PTPRN2: variants seen among roughly 807,000 people sequenced by gnomAD.
PTPRN2 encodes the protein protein tyrosine phosphatase receptor type N2, also known as receptor-type tyrosine-protein phosphatase N2.
Under a neutral mutation model 118.8 loss-of-function variants are expected in PTPRN2, and 74 were observed. That is an observed-to-expected ratio of 0.62 (90% confidence interval 0.52 to 0.76). The LOEUF (loss-of-function observed/expected upper bound fraction) is 0.76, where lower values mean the gene tolerates loss of function less well. Ranked by LOEUF, PTPRN2 falls within the 30% of genes least tolerant of loss-of-function variation. PTPRN2 has a pLI of 0.00. For synonymous variants in PTPRN2, 641 were observed against 608.0 expected (o/e 1.05, Z -0.80); for missense variants, 1,481 against 1,394.4 (o/e 1.06, Z -0.99).
Position 157,583,300 on chromosome 7 carries a change from C to T in PTPRN2, c.2497-5160G>A, listed in dbSNP as rs190459727. Among the ~76,000 whole-genome samples the T allele has an allele frequency of 2.3e-4, 35 of 152,126 alleles. No homozygotes were observed. Among genetic ancestry groups the T allele is most frequent in the Admixed American group, 2.2e-3 (34 of 15,292 alleles). ...ACTCAGGGACAGAGTAGAAGGGGGG[C>T]TGCCAGGGCCTGGGGCTGAGGGTGG... On this transcript the variant is annotated intron_variant, in intron 17 of 22. Transcript: ENST00000389418. The surrounding 1 kb of genome is among the most constrained non-coding windows in gnomAD (Gnocchi z 5.5).
intron 1 of PTPRN2, among the ~76,000 whole-genome samples, chr7:158,586,696 C>CT (rs986553759): frequency 6.6e-6 from 1 of 152,208 alleles, no homozygotes; most frequent in African/African-American, 2.4e-5. Context: ...GCCGCCCTCC[C>CT]TTTCCTCCCG....
chr7:157,597,484 G>GTGTGT (rs1554500977), intron 16 of PTPRN2, among the ~76,000 whole-genome samples: 5 of 145,650 alleles, frequency 3.4e-5, no homozygotes, highest in African/African-American at 1.3e-4. Context: ...GTGTGTGTGT[G>GTGTGT]TTTTTTTTTT....
chr7:158,331,376 AAG>A, intron 2 of PTPRN2, among the ~76,000 whole-genome samples: 8 of 139,390 alleles, frequency 5.7e-5, no homozygotes, highest in Middle Eastern at 4.0e-3. Flanking sequence ...ACACCCGCAG[AAG>A]TCACTCACAC....
chr7:157,900,358 C>A (rs1204977317), intron 11 of PTPRN2, among the ~76,000 whole-genome samples: 1 of 152,228 alleles, frequency 6.6e-6, no homozygotes, highest in African/African-American at 2.4e-5. Context: ...ACTTGACCTG[C>A]AGACTGTGGT....
intron 12 of PTPRN2, among the ~76,000 whole-genome samples, chr7:157,756,216 G>C (rs1490148545): frequency 6.6e-6 from 1 of 152,208 alleles, no homozygotes; most frequent in Non-Finnish European, 1.5e-5. Context: ...TTCCATGAAT[G>C]AGTGAATAAT....
chr7:158,145,511 G>T (rs1452005231), intron 6 of PTPRN2, among the ~76,000 whole-genome samples: 1 of 152,224 alleles, frequency 6.6e-6, no homozygotes, highest in African/African-American at 2.4e-5. Context: ...CCACCCTTGA[G>T]AAACTGAGGC....
At chr7:158,057,728 C>T (rs185941401) in intron 11 of PTPRN2, among the ~76,000 whole-genome samples, 75 of 152,250 alleles carry the variant, frequency 4.9e-4, no homozygotes, top group East Asian at 3.7e-3. Flanking sequence ...TCAGCATCCC[C>T]GCCACTCCCC....
intron 11 of PTPRN2, among the ~76,000 whole-genome samples, chr7:158,050,971 A>G (rs1054430181): frequency 6.6e-6 from 1 of 152,218 alleles, no homozygotes; most frequent in Non-Finnish European, 1.5e-5. Context: ...CTGGAGTGGA[A>G]GGTCACCCAG....
rs890259352 is a variant in PTPRN2 at position 157,927,480 on chromosome 7, C to G, written c.1724-28743G>C. On this transcript the variant is annotated intron_variant, in intron 11 of 22. Transcript: ENST00000389418. ...CCAGGGACCCTTCTGAGAACAGAGACCTCACATCTGCTGGGACCCCGAAGA... is the reference window on the plus strand; with the variant it reads ...CCAGGGACCCTTCTGAGAACAGAGAGCTCACATCTGCTGGGACCCCGAAGA... Among the ~76,000 whole-genome samples, 7 of 116,674 alleles carry G rather than the reference C, an allele frequency of 6.0e-5. 1 individual carries two copies. Among genetic ancestry groups the G allele is most frequent in the Admixed American group, 1.9e-4 (2 of 10,626 alleles). The allele number at this position is 116,674 out of a possible 152,430, so 76.5% of individuals were successfully genotyped here. A position where few individuals can be genotyped will look rare whatever the true frequency, so the allele number is the denominator to read the frequency against.
chr7:158,096,965 G>A (rs990050499), intron 10 of PTPRN2, among the ~76,000 whole-genome samples: 1 of 152,150 alleles, frequency 6.6e-6, no homozygotes, highest in Non-Finnish European at 1.5e-5. Context: ...AATCTGCACT[G>A]CCCTGATGTG....
chr7:158,555,274 G>T lies in PTPRN2; in HGVS notation c.112+32284C>A, dbSNP rs992294545. Among the ~76,000 whole-genome samples, 3 of 152,308 alleles carry T rather than the reference G, an allele frequency of 2.0e-5. No individual in the cohort carries two copies. The highest frequency in any genetic ancestry group is 2.0e-4 in the Admixed American group (3 of 15,310). On this transcript the variant is annotated intron_variant, in intron 1 of 22. Transcript: ENST00000389418. This position sits in a 1 kb window ranked among gnomAD's most constrained non-coding sequence, Gnocchi z 4.7. ...TGCAAGATCCCACAGCTGCCTTTTG[G>T]GGGAGGTTGGGGCTTATGCCTTAGG... is the stretch of plus-strand genomic sequence containing the variant.
chr7:158,126,730 T>C (rs1162748951), intron 9 of PTPRN2, among the ~76,000 whole-genome samples: 3 of 152,208 alleles, frequency 2.0e-5, no homozygotes, highest in Non-Finnish European at 4.4e-5. Flanking sequence ...CAGTGGTTCC[T>C]GAGCACTCGG....
chr7:158,076,315 G>A (rs1000176220), intron 11 of PTPRN2, among the ~76,000 whole-genome samples: 3 of 152,214 alleles, frequency 2.0e-5, no homozygotes, highest in African/African-American at 7.2e-5. Flanking sequence ...CCTCCCTGGG[G>A]AGTGGGTGTG....
At chr7:158,077,830 A>G (rs1812493698) in intron 11 of PTPRN2, among the ~76,000 whole-genome samples, 1 of 152,224 alleles carries the variant, frequency 6.6e-6, no homozygotes, top group South Asian at 2.1e-4. Context: ...GATCAGAAAT[A>G]TACTATTTAA....
chr7:158,227,525 C>T (rs888096099), intron 3 of PTPRN2, among the ~76,000 whole-genome samples: 13 of 151,962 alleles, frequency 8.6e-5, no homozygotes, highest in Admixed American at 2.0e-4. Flanking sequence ...CCCCAGGTGG[C>T]GAGGAAGAAG....
chr7:158,333,531 A>C (rs1484887414), intron 2 of PTPRN2, among the ~76,000 whole-genome samples: 1 of 144,034 alleles, frequency 6.9e-6, no homozygotes, highest in Non-Finnish European at 1.5e-5. Context: ...AAGACCTGAC[A>C]CTCGCAGACG....
chr7:158,448,640 T>C (rs765316491), intron 2 of PTPRN2, among the ~76,000 whole-genome samples: 2 of 152,140 alleles, frequency 1.3e-5, no homozygotes, highest in Non-Finnish European at 2.9e-5. Flanking sequence ...GCCAAGGGCA[T>C]GGGGCAGTCC....
chr7:158,102,417 T>C (rs945740062), intron 10 of PTPRN2, among the ~76,000 whole-genome samples: 3 of 152,186 alleles, frequency 2.0e-5, no homozygotes, highest in Non-Finnish European at 4.4e-5. Flanking sequence ...CTCCCTCCCA[T>C]GGCTCCAGGC....
chr7:157,847,177 C>A, intron 12 of PTPRN2, among the ~76,000 whole-genome samples: 1 of 140,336 alleles, frequency 7.1e-6, no homozygotes, highest in African/African-American at 2.7e-5. Flanking sequence ...AGAGCCCTCT[C>A]TCACTCCATC....
Sources: allele counts gnomAD v4.1 joint callset (sites outside exome capture counted in the v4.1 genomes callset), GRCh38; gene constraint gnomAD v4.1.1; non-coding constraint Gnocchi (gnomAD v3.1); transcripts MANE v1.5; gene names NCBI Gene and HGNC (gene_info 2026-07-23, HGNC 2026-07-21).